PCDH11X: variants seen among roughly 807,000 people sequenced by gnomAD.
PCDH11X encodes the protein protocadherin-11 X-linked.
In PCDH11X, 18 loss-of-function variants were observed where a neutral mutation model predicts 53.3. The ratio of observed to expected loss-of-function variants is 0.34; its 90% confidence interval spans 0.23 to 0.50. The LOEUF (loss-of-function observed/expected upper bound fraction) is 0.50, where lower values mean the gene tolerates loss of function less well. Among genes scored for constraint, PCDH11X ranks in the 20% least tolerant of loss-of-function variants. The pLI, the probability that PCDH11X is intolerant of heterozygous loss-of-function variation, is 0.98. For missense variants in PCDH11X, 570 were observed against 1,032.4 expected, an observed-to-expected ratio of 0.55 and a Z score of 6.14; for synonymous variants, 279 against 393.3, an observed-to-expected ratio of 0.71 and a Z score of 3.44.
chrX:91,988,518 T>C (rs1328702008), intron 6 of PCDH11X, among the ~76,000 whole-genome samples: 1 of 112,553 alleles, frequency 8.9e-6, no homozygotes, highest in African/African-American at 3.2e-5. Context: ...TCAATTCGCA[T>C]GCAGTAATTA....
chrX:92,242,210 G>A (rs57505940), intron 7 of PCDH11X, among the ~76,000 whole-genome samples: 14,819 of 110,264 alleles, frequency 0.13, 1,621 homozygotes, highest in African/African-American at 0.37. Context: ...AACCTCTGAC[G>A]ACCACTAATC....
intron 6 of PCDH11X, among the ~76,000 whole-genome samples, chrX:92,132,041 G>A (rs2064981247): frequency 9.7e-6 from 1 of 103,265 alleles, no homozygotes; most frequent in Admixed American, 1.1e-4. Flanking sequence ...GGAGGCCGAG[G>A]TGGGAGGATC....
chrX:92,353,276 A>T (rs2070104238), intron 8 of PCDH11X, among the ~76,000 whole-genome samples: 1 of 112,026 alleles, frequency 8.9e-6, no homozygotes, highest in Non-Finnish European at 1.9e-5. Context: ...TCCATAGATG[A>T]TTTTCAATTC....
chrX:92,274,993 T>A (rs1426583559), intron 8 of PCDH11X, among the ~76,000 whole-genome samples: 3 of 108,872 alleles, frequency 2.8e-5, no homozygotes, highest in African/African-American at 6.7e-5. Flanking sequence ...TTGTGGGACT[T>A]AAAGAGTGAG....
At chrX:92,393,092 A>G (rs1426341812) in intron 9 of PCDH11X, among the ~76,000 whole-genome samples, 16 of 110,548 alleles carry the variant, frequency 1.4e-4, no homozygotes, top group African/African-American at 4.9e-4. Flanking sequence ...ATTTTTGACG[A>G]AAGTCACATA....
At chrX:91,787,226 C>A (rs1258845731) in intron 1 of PCDH11X, among the ~76,000 whole-genome samples, 1 of 108,321 alleles carries the variant, frequency 9.2e-6, no homozygotes, top group African/African-American at 3.4e-5. Flanking sequence ...TTTAGAACAC[C>A]TGTATTTTTA....
At chrX:92,069,669 A>G (rs772678891) in intron 6 of PCDH11X, among the ~76,000 whole-genome samples, 1 of 110,988 alleles carries the variant, frequency 9.0e-6, no homozygotes, top group African/African-American at 3.3e-5. Context: ...GAGGCTTGCA[A>G]CTATTATCTT....
intron 6 of PCDH11X, among the ~76,000 whole-genome samples, chrX:91,897,105 C>T (rs1423633704): frequency 1.9e-5 from 2 of 103,982 alleles, no homozygotes; most frequent in South Asian, 4.4e-4. Flanking sequence ...CCTATGAACA[C>T]ATCAGTTGGG....
chrX:92,202,434 C>T (rs2066405885), intron 7 of PCDH11X, among the ~76,000 whole-genome samples: 1 of 110,929 alleles, frequency 9.0e-6, no homozygotes, highest in South Asian at 3.8e-4. Context: ...GGGAGTCTCC[C>T]TTTCCTTGCC....
intron 8 of PCDH11X, among the ~76,000 whole-genome samples, chrX:92,375,105 G>C (rs186246888): frequency 4.1e-3 from 341 of 82,524 alleles, no homozygotes; most frequent in Middle Eastern, 7.8e-3. Flanking sequence ...AGATTGTTAA[G>C]GGTTTACCTC....
intron 9 of PCDH11X, among the ~76,000 whole-genome samples, chrX:92,393,870 G>C (rs1481356946): frequency 9.0e-6 from 1 of 111,499 alleles, no homozygotes; most frequent in Non-Finnish European, 1.9e-5. Flanking sequence ...GGTATAAACA[G>C]TGATCTGATA....
intron 9 of PCDH11X, among the ~76,000 whole-genome samples, chrX:92,424,211 C>G (rs1274396614): frequency 1.2e-5 from 1 of 86,916 alleles, no homozygotes; most frequent in African/African-American, 3.6e-5. Context: ...CCTTGAGAAT[C>G]TCTCATATTT....
Position 92,622,502 on chromosome X carries a change from A to T in PCDH11X, c.*3562A>T, listed in dbSNP as rs1928584659. On this transcript the variant is annotated 3_prime_UTR_variant, in exon 11 of 11. Transcript: ENST00000682573. ...TTAGGCTTTTATTTATACTCTTCTG[A>T]TTTATATTTTTTATTATAATTATTA... is the stretch of plus-strand genomic sequence containing the variant. The T allele has an allele frequency of 9.1e-6, 1 of 110,161 alleles. No homozygotes were observed. Among genetic ancestry groups the T allele is most frequent in the Non-Finnish European group, 1.9e-5 (1 of 52,655 alleles). 9.1% of individuals were successfully genotyped at this position (110,161 alleles called of 1,213,427 possible).
chrX:92,072,401 G>A (rs1227941515), intron 6 of PCDH11X, among the ~76,000 whole-genome samples: 1 of 111,008 alleles, frequency 9.0e-6, no homozygotes, highest in African/African-American at 3.3e-5. Context: ...AATGCGCTGA[G>A]TTTCCCTGAA....
chrX:91,951,792 T>C (rs971277428), intron 6 of PCDH11X, among the ~76,000 whole-genome samples: 1 of 111,581 alleles, frequency 9.0e-6, no homozygotes, highest in Admixed American at 9.6e-5. Context: ...GGTAAGGATT[T>C]GGAAATTTCT....
At chrX:91,797,481 G>A (rs2147532029) in intron 1 of PCDH11X, among the ~76,000 whole-genome samples, 1 of 102,096 alleles carries the variant, frequency 9.8e-6, no homozygotes, top group African/African-American at 3.6e-5. Flanking sequence ...GTTAAAATAA[G>A]AACTTTCAAT....
intron 9 of PCDH11X, 102 bp downstream of exon 9, chrX:92,388,035 G>A: frequency 5.3e-6 from 6 of 1,135,315 alleles, no homozygotes; most frequent in Non-Finnish European, 7.2e-6. Context: ...TTATGTTATT[G>A]TGAATAGTGA....
chrX:91,998,077 G>A (rs1258634018), intron 6 of PCDH11X, among the ~76,000 whole-genome samples: 1 of 110,140 alleles, frequency 9.1e-6, no homozygotes, highest in Non-Finnish European at 1.9e-5. Context: ...GGGATTACAG[G>A]CTCCCACCAC....
chrX:92,456,619 C>A (rs1347941804), intron 9 of PCDH11X, among the ~76,000 whole-genome samples: 3 of 111,386 alleles, frequency 2.7e-5, no homozygotes, highest in Admixed American at 9.6e-5. Context: ...AGGCAGACAG[C>A]ATTTGGTTTA....
Sources: allele counts gnomAD v4.1 joint callset (sites outside exome capture counted in the v4.1 genomes callset), GRCh38; gene constraint gnomAD v4.1.1; transcripts MANE v1.5; gene names NCBI Gene and HGNC (gene_info 2026-07-23, HGNC 2026-07-21).